The following RNF141 variants were observed in gnomAD, a reference collection of about 807,000 sequenced individuals.
The protein encoded by RNF141 is ring finger protein 141.
A neutral mutation model predicts 27.4 loss-of-function variants in RNF141; 18 were observed. The observed-to-expected ratio is 0.66, with a 90% CI of 0.45 to 0.97. The LOEUF (loss-of-function observed/expected upper bound fraction) is 0.97. Ranked by LOEUF, RNF141 falls within the 50% of genes least tolerant of loss-of-function variation. RNF141 has a pLI of 0.00. For synonymous variants in RNF141, 97 were observed against 96.6 expected (o/e 1.00, Z -0.02); for missense variants, 230 against 279.4 (o/e 0.82, Z 1.26).
At chr11:10,533,318 T>C (rs1850004973) in intron 2 of RNF141, among the ~76,000 whole-genome samples, 1 of 152,090 alleles carries the variant, frequency 6.6e-6, no homozygotes, top group Non-Finnish European at 1.5e-5. Flanking sequence ...AATTGATAAA[T>C]AAATTAACAA....
chr11:10,520,588 TAGA>T (rs1257291394), intron 4 of RNF141, among the ~76,000 whole-genome samples: 3 of 152,196 alleles, frequency 2.0e-5, no homozygotes, highest in Admixed American at 1.3e-4. Flanking sequence ...TTTTAATAAG[TAGA>T]AGGAGTATAC....
chr11:10,531,374 C>CA (rs10664382), intron 2 of RNF141, among the ~76,000 whole-genome samples: 1,525 of 133,992 alleles, frequency 0.011, 74 homozygotes, highest in African/African-American at 0.039. Context: ...GACTCAGTCT[C>CA]AAAAAAAAAA....
intron 1 of RNF141, among the ~76,000 whole-genome samples, chr11:10,535,103 T>A (rs1850022662): frequency 6.6e-6 from 1 of 151,306 alleles, no homozygotes; most frequent in Non-Finnish European, 1.5e-5. Flanking sequence ...AAGACTATCA[T>A]TTTATTTCAT....
Position 10,525,368 on chromosome 11 carries a change from G to A in RNF141, c.258C>T (p.Asn86=), listed in dbSNP as rs767261016. Reference sequence around the variant, plus strand: ...ATGCCTCCACAATGCCACTGCTTTTGTTAATCTAAAAATACAAAGAACATG... The same window carrying A: ...ATGCCTCCACAATGCCACTGCTTTTATTAATCTAAAAATACAAAGAACATG... ...VVVRVVCTKI[N]KSSGIVEASR... The change falls in exon 4 of 6, where the codon AAC becomes AAT. Residue 86 remains asparagine (N), a synonymous_variant. Transcript: ENST00000265981. 2 of 1,550,080 alleles carry A rather than the reference G, an allele frequency of 1.3e-6. No homozygotes were observed. The highest frequency in any genetic ancestry group is 3.9e-5 in the Admixed American group (2 of 51,044).
At chr11:10,518,050 A>G (rs562981272) in intron 5 of RNF141, among the ~76,000 whole-genome samples, 4 of 152,206 alleles carry the variant, frequency 2.6e-5, no homozygotes, top group Non-Finnish European at 5.9e-5. Flanking sequence ...GTGGAGAAAT[A>G]TACAGCGTAT....
At chr11:10,518,767 T>C (rs970002866) in intron 5 of RNF141, 3 of 325,002 alleles carry the variant, frequency 9.2e-6, no homozygotes, top group Non-Finnish European at 1.1e-5. Flanking sequence ...AAAAGGGAAA[T>C]GTTTGATTTT....
At chr11:10,521,415 G>A (rs941705371) in intron 4 of RNF141, among the ~76,000 whole-genome samples, 4 of 151,926 alleles carry the variant, frequency 2.6e-5, no homozygotes, top group African/African-American at 4.8e-5. Flanking sequence ...GTGCTTTTTT[G>A]TAATTTTTAA....
intron 1 of RNF141, among the ~76,000 whole-genome samples, chr11:10,536,533 T>C (rs1850038707): frequency 6.6e-6 from 1 of 152,160 alleles, no homozygotes; most frequent in Admixed American, 6.5e-5. Context: ...TGACTAAAAG[T>C]TATATCCTGA....
At chr11:10,539,808 G>C (rs968619553) in intron 1 of RNF141, among the ~76,000 whole-genome samples, 1 of 148,752 alleles carries the variant, frequency 6.7e-6, no homozygotes, top group Non-Finnish European at 1.5e-5. Flanking sequence ...ATTTCATATT[G>C]GAAAAAGCAT....
At chr11:10,523,192 C>G (rs192146645) in intron 4 of RNF141, among the ~76,000 whole-genome samples, 11 of 152,318 alleles carry the variant, frequency 7.2e-5, no homozygotes, top group African/African-American at 2.6e-4. Flanking sequence ...ATTGGCCCCA[C>G]CTGGGAGCTT....
chr11:10,520,187 C>A (rs984846346), intron 4 of RNF141, among the ~76,000 whole-genome samples: 3 of 152,102 alleles, frequency 2.0e-5, no homozygotes, highest in Admixed American at 6.5e-5. Flanking sequence ...AAATATATTT[C>A]TTCAATGATA....
At chr11:10,525,576 T>C (rs1325901040) in intron 3 of RNF141, among the ~76,000 whole-genome samples, 1 of 152,186 alleles carries the variant, frequency 6.6e-6, no homozygotes, top group Non-Finnish European at 1.5e-5. Flanking sequence ...CTTATACAAA[T>C]TTACCTCATT....
chr11:10,531,322 C>T (rs551295783), intron 2 of RNF141, among the ~76,000 whole-genome samples: 2 of 146,040 alleles, frequency 1.4e-5, no homozygotes, highest in South Asian at 4.3e-4. Context: ...TTGTAGTGAG[C>T]CAAGATCACG....
At chr11:10,530,135 A>G (rs993986318) in intron 3 of RNF141, among the ~76,000 whole-genome samples, 3 of 152,336 alleles carry the variant, frequency 2.0e-5, no homozygotes, top group African/African-American at 7.2e-5. Flanking sequence ...AGAACTTTCT[A>G]TCTGAATCTA....
chr11:10,533,983 GGAAAAAC>G (rs765809642), intron 2 of RNF141, 26 bp downstream of exon 2: 1 of 1,602,574 alleles, frequency 6.2e-7, no homozygotes, highest in South Asian at 1.1e-5. Context: ...TACAACAAGG[GGAAAAAC>G]GAAAAACAAA....
rs1554905298 is a variant in RNF141, at chr11:10,539,691, C to CATATATATATATATATATATAT, written c.-48+1430_-48+1431insATATATATATATATATATATAT. ...GATCTTGATCAGAAAAAGATACATA[C>CATATATATATATATATATATAT]ATATATATTAGAGAGAGAAGGAGAG... On this transcript the variant is annotated intron_variant, in intron 1 of 5. Transcript: ENST00000265981. Among the ~76,000 whole-genome samples the CATATATATATATATATATATAT allele has an allele frequency of 6.3e-3, 255 of 40,326 alleles. 36 individuals are homozygous for CATATATATATATATATATATAT. The highest frequency in any genetic ancestry group is 0.01 in the African/African-American group (137 of 13,392). 26.5% of individuals were successfully genotyped at this position (40,326 alleles called of 152,430 possible).
chr11:10,520,560 T>A (rs1849880353), intron 4 of RNF141, among the ~76,000 whole-genome samples: 1 of 152,246 alleles, frequency 6.6e-6, no homozygotes, highest in Admixed American at 6.5e-5. Context: ...TGCCTGAGGC[T>A]GTTTTACAGC....
At chr11:10,536,743 T>C (rs1054934918) in intron 1 of RNF141, among the ~76,000 whole-genome samples, 6 of 152,178 alleles carry the variant, frequency 3.9e-5, no homozygotes, top group Admixed American at 3.9e-4. Flanking sequence ...ATTACAGGCA[T>C]GAGCTGCCGC....
In RNF141 at chr11:10,536,232, G is replaced by T. The variant is rs572550981; in HGVS notation, c.-47-2027C>A. On this transcript the variant is annotated intron_variant, in intron 1 of 5. Transcript: ENST00000265981. Reference sequence around the variant, plus strand: ...GTCAGAGTTAGGGATTAAAAAAAAAGTAGGGAAATGGCAAAAGGAGGACAC... The same window carrying T: ...GTCAGAGTTAGGGATTAAAAAAAAATTAGGGAAATGGCAAAAGGAGGACAC... Among the ~76,000 whole-genome samples the T allele has an allele frequency of 1.4e-4, 21 of 152,164 alleles. No individual in the cohort carries two copies. In the South Asian group the frequency reaches 3.9e-3, roughly 29 times the overall value.
Sources: allele counts gnomAD v4.1 joint callset (sites outside exome capture counted in the v4.1 genomes callset), GRCh38; gene constraint gnomAD v4.1.1; transcripts MANE v1.5; gene names NCBI Gene and HGNC (gene_info 2026-07-23, HGNC 2026-07-21).